CACNA2D3: variants seen among roughly 807,000 people sequenced by gnomAD.
The protein encoded by CACNA2D3 is voltage-dependent calcium channel subunit alpha-2/delta-3.
A neutral mutation model predicts 160.6 loss-of-function variants in CACNA2D3; 60 were observed. The observed-to-expected ratio is 0.37, with a 90% CI of 0.30 to 0.46. The LOEUF is 0.46. Among genes scored for constraint, CACNA2D3 ranks in the 20% least tolerant of loss-of-function variants. CACNA2D3 has a pLI of 1.00. For missense variants in CACNA2D3, 1,205 were observed against 1,365.0 expected (o/e 0.88, Z 1.85); for synonymous variants, 558 against 492.9 (o/e 1.13, Z -1.75).
chr3:54,885,307 G>A lies in CACNA2D3; in HGVS notation c.1939G>A (p.Val647Met), dbSNP rs371596096. The change falls in exon 22 of 38, where the codon GTG (valine) becomes ATG (methionine). Residue 647 changes from valine (V) to methionine (M), a missense_variant. Val to Met is a conservative substitution (Grantham distance 21). Transcript: ENST00000474759. The stretch of plus-strand genomic sequence containing the variant: ...CCTGCATGACTTAGAACATCCCGAT[G>A]TGTCCTTGGCAGATGAATGGTAAGA... ...EGLHDLEHPD[V>M]SLADEWSYCN... 4.3e-6 allele frequency: 7 copies of A among 1,613,780 alleles called. No homozygotes were observed. In the African/African-American group the frequency reaches 5.3e-5, roughly 12 times the overall value.
At chr3:54,885,212 A>G in intron 21 of CACNA2D3, 69 bp from the exon 22 acceptor site, 1 of 1,553,680 alleles carries the variant, frequency 6.4e-7, no homozygotes, top group Non-Finnish European at 8.9e-7. Flanking sequence ...CTACCCTAGA[A>G]TATTTGAAGC....
intron 5 of CACNA2D3, among the ~76,000 whole-genome samples, chr3:54,509,517 G>C (rs1701425668): frequency 6.6e-6 from 1 of 152,100 alleles, no homozygotes; most frequent in South Asian, 2.1e-4. Flanking sequence ...TTGGTATTGG[G>C]AGTCAAGATC....
chr3:54,151,351 TG>T (rs1700149312), intron 2 of CACNA2D3, among the ~76,000 whole-genome samples: 1 of 151,638 alleles, frequency 6.6e-6, no homozygotes, highest in African/African-American at 2.4e-5. Context: ...GATAGATAGT[TG>T]GGTGAATGAA....
At chr3:54,615,333 G>A (rs947766461) in intron 9 of CACNA2D3, among the ~76,000 whole-genome samples, 6 of 152,138 alleles carry the variant, frequency 3.9e-5, no homozygotes, top group African/African-American at 1.4e-4. Context: ...AAATAAATAT[G>A]TAGTCAAATC....
intron 5 of CACNA2D3, among the ~76,000 whole-genome samples, chr3:54,556,095 T>C (rs1400729937): frequency 6.6e-6 from 1 of 152,094 alleles, no homozygotes; most frequent in African/African-American, 2.4e-5. Flanking sequence ...GAGATATGGG[T>C]ATGTTGTGTA....
intron 2 of CACNA2D3, among the ~76,000 whole-genome samples, chr3:54,227,887 A>G (rs1269015847): frequency 6.6e-6 from 1 of 152,020 alleles, no homozygotes; most frequent in Non-Finnish European, 1.5e-5. Context: ...GCTCCCTTTC[A>G]TGAAGCTTGA....
chr3:54,822,795 CTTTCTTT>C (rs1559595654), intron 14 of CACNA2D3, among the ~76,000 whole-genome samples: 77 of 62,400 alleles, frequency 1.2e-3, no homozygotes, highest in Middle Eastern at 8.5e-3. Context: ...TCTTTCCTTT[CTTTCTTT>C]CTTTCTTTCT....
intron 35 of CACNA2D3, among the ~76,000 whole-genome samples, chr3:55,021,631 A>G (rs1167085013): frequency 3.8e-5 from 5 of 130,016 alleles, no homozygotes; most frequent in African/African-American, 1.4e-4. Flanking sequence ...GTGTGTATAT[A>G]TATATATATA....
intron 35 of CACNA2D3, among the ~76,000 whole-genome samples, chr3:55,061,081 G>C (rs563524362): frequency 6.6e-6 from 1 of 152,320 alleles, no homozygotes; most frequent in East Asian, 1.9e-4. Flanking sequence ...TCTTACTGAT[G>C]CATTCTGTCT....
At chr3:55,020,440 TTACA>T (rs1282728749) in intron 35 of CACNA2D3, among the ~76,000 whole-genome samples, 1 of 149,538 alleles carries the variant, frequency 6.7e-6, no homozygotes, top group African/African-American at 2.4e-5. Flanking sequence ...CTAGTATATA[TTACA>T]TATGTATAGT....
At chr3:54,774,797 G>C (rs2107118583) in intron 13 of CACNA2D3, among the ~76,000 whole-genome samples, 1 of 151,890 alleles carries the variant, frequency 6.6e-6, no homozygotes, top group South Asian at 2.1e-4. Flanking sequence ...ACCACACCTG[G>C]CTAACTTTTT....
chr3:55,056,804 G>A (rs558382437), intron 35 of CACNA2D3, among the ~76,000 whole-genome samples: 1 of 152,306 alleles, frequency 6.6e-6, no homozygotes, highest in South Asian at 2.1e-4. Context: ...CTGAGGTAGA[G>A]GGAGGAATGG....
At chr3:54,475,065 A>T (rs1349179654) in intron 4 of CACNA2D3, among the ~76,000 whole-genome samples, 2 of 152,186 alleles carry the variant, frequency 1.3e-5, no homozygotes, top group Non-Finnish European at 2.9e-5. Context: ...CTGAAATCTA[A>T]GTAAGAGATT....
At chr3:54,955,591 A>T (rs115016314) in intron 27 of CACNA2D3, among the ~76,000 whole-genome samples, 1,701 of 152,302 alleles carry the variant, frequency 0.011, 37 homozygotes, top group African/African-American at 0.037. Context: ...TCTAAGGTCT[A>T]TCAGCATGTC....
intron 35 of CACNA2D3, among the ~76,000 whole-genome samples, chr3:55,023,722 C>G (rs756371056): frequency 1.3e-5 from 2 of 151,950 alleles, no homozygotes; most frequent in Non-Finnish European, 2.9e-5. Context: ...CTATTAGTAA[C>G]GACTGCCTGG....
chr3:55,063,445 G>A (rs1704562103), intron 35 of CACNA2D3, among the ~76,000 whole-genome samples: 1 of 151,374 alleles, frequency 6.6e-6, no homozygotes, highest in Admixed American at 6.6e-5. Flanking sequence ...TATAATTTAT[G>A]TTAGGCATGG....
chr3:54,938,983 G>C (rs956114651), intron 27 of CACNA2D3, among the ~76,000 whole-genome samples: 2 of 152,152 alleles, frequency 1.3e-5, no homozygotes, highest in African/African-American at 2.4e-5. Context: ...GATCTGAAAA[G>C]GGTAGCACAC....
chr3:54,276,121 C>T (rs1295510700), intron 2 of CACNA2D3, among the ~76,000 whole-genome samples: 2 of 152,148 alleles, frequency 1.3e-5, no homozygotes, highest in Non-Finnish European at 2.9e-5. Flanking sequence ...GATGGGTTGG[C>T]TGCCCACTGC....
chr3:54,845,877 AG>A (rs1243789379), intron 16 of CACNA2D3, among the ~76,000 whole-genome samples: 3 of 152,190 alleles, frequency 2.0e-5, no homozygotes, highest in Non-Finnish European at 2.9e-5. Flanking sequence ...AGGCTGGGAC[AG>A]GGGGACACTT....
Sources: gnomAD v4.1 joint callset for allele counts (sites outside exome capture counted in the v4.1 genomes callset) on GRCh38, gnomAD v4.1.1 for gene constraint, MANE v1.5 for transcripts, NCBI Gene and HGNC (gene_info 2026-07-23, HGNC 2026-07-21) for gene names.